Variants in GTF2H5 observed in about 807,000 individuals in gnomAD.
The protein encoded by GTF2H5 is TFB5 ortholog.
A neutral mutation model predicts 7.1 loss-of-function variants in GTF2H5; 5 were observed. The ratio of observed to expected loss-of-function variants is 0.71; its 90% CI spans 0.37 to 1.49. The LOEUF is 1.49. GTF2H5 is among the 40% of genes most tolerant of loss of function. GTF2H5 has a pLI of 0.03. For synonymous variants in GTF2H5, 30 were observed against 31.7 expected, an observed-to-expected ratio of 0.95 and a Z score of 0.18; for missense variants, 80 against 83.0, an observed-to-expected ratio of 0.96 and a Z score of 0.14.
chr6:158,187,416 G>A (rs982070018), intron 2 of GTF2H5, among the ~76,000 whole-genome samples: 4 of 152,060 alleles, frequency 2.6e-5, no homozygotes, highest in Admixed American at 6.5e-5. Flanking sequence ...TTGCAGGGCC[G>A]TCTCAAAATA....
rs1278029906 is a variant in GTF2H5 at position 158,169,397 on chromosome 6, TTATATTGTATATTATATATTATATATAA to T, written c.-35+1022_-34-1026del. Among the ~76,000 whole-genome samples, 37 of 77,640 alleles carry T rather than the reference TTATATTGTATATTATATATTATATATAA, an allele frequency of 4.8e-4. 1 individual carries two copies. Among genetic ancestry groups the T allele is most frequent in the Middle Eastern group, 5.3e-3 (1 of 188 alleles). 50.9% of individuals were successfully genotyped at this position (77,640 alleles called of 152,430 possible). On this transcript the variant is annotated intron_variant, in intron 1 of 2. Coordinates refer to ENST00000607778, the MANE Select transcript of GTF2H5 (RefSeq NM_207118.3). The stretch of plus-strand genomic sequence containing the variant: ...TGTATATTATATATTATATATAATA[TTATATTGTATATTATATATTATATATAA>T]TATATTGTATATTATATATATTATA...
rs1483686884 is a variant in GTF2H5, at chr6:158,169,693, T to TATTATATATAATATATTGTATATTA, written c.-34-777_-34-776insATTATATATAATATATTGTATATTA. Among the ~76,000 whole-genome samples the TATTATATATAATATATTGTATATTA allele has an allele frequency of 2.7e-4, 18 of 66,146 alleles. 2 individuals carry two copies. The highest frequency in any genetic ancestry group is 1.2e-3 in the Admixed American group (4 of 3,208). 43.4% of individuals were successfully genotyped at this position (66,146 alleles called of 152,430 possible). ...TATATTATATAATATATAATATATA[T>TATTATATATAATATATTGTATATTA]TATATAATATATTGTATATTATATA... On this transcript the variant is annotated intron_variant, in intron 1 of 2. Coordinates refer to ENST00000607778, the MANE Select transcript of GTF2H5 (RefSeq NM_207118.3).
chr6:158,192,445 G>T lies in GTF2H5; in HGVS notation c.*288G>T. On this transcript the variant is annotated 3_prime_UTR_variant, in exon 3 of 3. Coordinates refer to ENST00000607778, the MANE Select transcript of GTF2H5 (RefSeq NM_207118.3). Reference sequence around the variant, plus strand: ...TTCCTGCCTTTTTAATACCATGTCAGTGTAACATAGGTATTTATTTTGCTC... The same window carrying T: ...TTCCTGCCTTTTTAATACCATGTCATTGTAACATAGGTATTTATTTTGCTC... The T allele has an allele frequency of 2.7e-6, 1 of 375,424 alleles. No homozygotes were observed. Among genetic ancestry groups the T allele is most frequent in the Non-Finnish European group, 5.0e-6 (1 of 199,598 alleles). 23.3% of individuals were successfully genotyped at this position (375,424 alleles called of 1,614,324 possible).
intron 2 of GTF2H5, among the ~76,000 whole-genome samples, chr6:158,171,161 G>C (rs559003340): frequency 6.6e-6 from 1 of 152,296 alleles, no homozygotes; most frequent in African/African-American, 2.4e-5. Flanking sequence ...CCAACATTTA[G>C]AACAGCACTA....
intron 2 of GTF2H5, among the ~76,000 whole-genome samples, chr6:158,177,125 G>A (rs1785944597): frequency 6.6e-6 from 1 of 152,184 alleles, no homozygotes; most frequent in Admixed American, 6.5e-5. Flanking sequence ...TGGGGTGCCT[G>A]TTCCCAACAG....
At chr6:158,171,347 G>A (rs1446297437) in intron 2 of GTF2H5, among the ~76,000 whole-genome samples, 2 of 152,168 alleles carry the variant, frequency 1.3e-5, no homozygotes, top group South Asian at 4.1e-4. Flanking sequence ...CTTCAAAGTC[G>A]AATGGATATT....
rs938412615 is a variant in GTF2H5, at chr6:158,196,208, G to A, written c.*4051G>A. 3 of 152,220 alleles carry A rather than the reference G, an allele frequency of 2.0e-5. No homozygotes were observed. Among genetic ancestry groups the A allele is most frequent in the Non-Finnish European group, 2.9e-5 (2 of 68,088 alleles). The allele number at this position is 152,220 out of a possible 1,614,324, so 9.4% of individuals were successfully genotyped here. A position where few individuals can be genotyped will look rare whatever the true frequency, so the allele number is the denominator to read the frequency against. ...GAGGCAGGAGAATGGTGTAATCCCG[G>A]GAGGTGGAGGTTGCAGTGAGCCGAG... On this transcript the variant is annotated 3_prime_UTR_variant, in exon 3 of 3. Transcript: ENST00000607778.
intron 2 of GTF2H5, among the ~76,000 whole-genome samples, chr6:158,175,526 G>A (rs2128429552): frequency 6.6e-6 from 1 of 152,358 alleles, no homozygotes; most frequent in East Asian, 1.9e-4. Context: ...CACTTCAGGA[G>A]GCTGAGGCGG....
chr6:158,173,529 A>G (rs984587820), intron 2 of GTF2H5, among the ~76,000 whole-genome samples: 1 of 152,178 alleles, frequency 6.6e-6, no homozygotes, highest in African/African-American at 2.4e-5. Context: ...AAGTCTGTTT[A>G]TTACTTCATA....
At chr6:158,168,979 G>C (rs1785691950) in intron 1 of GTF2H5, among the ~76,000 whole-genome samples, 1 of 151,500 alleles carries the variant, frequency 6.6e-6, no homozygotes, top group Non-Finnish European at 1.5e-5. Context: ...CACACCTGTT[G>C]TCCCAGCACT....
At chr6:158,182,900 A>C (rs575686182) in intron 2 of GTF2H5, among the ~76,000 whole-genome samples, 4 of 152,046 alleles carry the variant, frequency 2.6e-5, no homozygotes, top group Non-Finnish European at 4.4e-5. Flanking sequence ...CTCATTCTCC[A>C]TCCAGTTTTC....
chr6:158,190,936 C>T (rs755071598), intron 2 of GTF2H5: 3 of 516,500 alleles, frequency 5.8e-6, no homozygotes, highest in Admixed American at 2.0e-5. Flanking sequence ...CTGTACTGCC[C>T]GAGAAGAAAT....
At chr6:158,185,546 A>T (rs1355602737) in intron 2 of GTF2H5, among the ~76,000 whole-genome samples, 1 of 151,826 alleles carries the variant, frequency 6.6e-6, no homozygotes, top group Non-Finnish European at 1.5e-5. Flanking sequence ...GTCTCAAAAA[A>T]AAAAAAAAAA....
Position 158,194,008 on chromosome 6 carries a change from A to C in GTF2H5, c.*1851A>C, listed in dbSNP as rs1777069164. On this transcript the variant is annotated 3_prime_UTR_variant, in exon 3 of 3. Coordinates refer to ENST00000607778, the MANE Select transcript of GTF2H5 (RefSeq NM_207118.3). Reference sequence around the variant, plus strand: ...CATCTCAAAAAAAAAAAAAAAAAAAAATGAATTTCCAGCTATACCAAAATG... The same window carrying C: ...CATCTCAAAAAAAAAAAAAAAAAAACATGAATTTCCAGCTATACCAAAATG... The C allele has an allele frequency of 6.6e-6, 1 of 151,726 alleles. No homozygotes were observed. The highest frequency in any genetic ancestry group is 2.1e-4 in the South Asian group (1 of 4,810). The allele number at this position is 151,726 out of a possible 1,614,324, so 9.4% of individuals were successfully genotyped here.
At chr6:158,173,611 A>G (rs1785887724) in intron 2 of GTF2H5, among the ~76,000 whole-genome samples, 1 of 152,242 alleles carries the variant, frequency 6.6e-6, no homozygotes, top group South Asian at 2.1e-4. Flanking sequence ...GTTTACAGGC[A>G]GACCACTCAA....
At chr6:158,184,020 A>G (rs1354336434) in intron 2 of GTF2H5, among the ~76,000 whole-genome samples, 1 of 152,062 alleles carries the variant, frequency 6.6e-6, no homozygotes, top group African/African-American at 2.4e-5. Flanking sequence ...AGCTGTTCCT[A>G]TTTGGCCATC....
intron 2 of GTF2H5, among the ~76,000 whole-genome samples, chr6:158,172,742 C>T (rs1453090392): frequency 6.6e-6 from 1 of 152,172 alleles, no homozygotes; most frequent in Non-Finnish European, 1.5e-5. Flanking sequence ...CATCCCTTCC[C>T]ACATTCATCT....
chr6:158,188,052 C>G (rs1776959707), intron 2 of GTF2H5, among the ~76,000 whole-genome samples: 1 of 152,108 alleles, frequency 6.6e-6, no homozygotes, highest in South Asian at 2.1e-4. Context: ...GTGCTTAGAA[C>G]TTTATTTTTG....
Position 158,195,790 on chromosome 6 carries a change from TAAC to T in GTF2H5, c.*3636_*3638del, listed in dbSNP as rs747156497. On this transcript the variant is annotated 3_prime_UTR_variant, in exon 3 of 3. Coordinates refer to ENST00000607778, the MANE Select transcript of GTF2H5 (RefSeq NM_207118.3). ...CTAAAATACTGAGATCATTCTATCT[TAAC>T]AAACTTAACAGATGGGGAAGGGGTA... 3 of 152,204 alleles carry T rather than the reference TAAC, an allele frequency of 2.0e-5. No individual in the cohort carries two copies. The highest frequency in any genetic ancestry group is 7.2e-5 in the African/African-American group (3 of 41,450). The allele number at this position is 152,204 out of a possible 1,614,324, so 9.4% of individuals were successfully genotyped here. A position where few individuals can be genotyped will look rare whatever the true frequency, so the allele number is the denominator to read the frequency against.
Sources: allele counts gnomAD v4.1 joint callset (sites outside exome capture counted in the v4.1 genomes callset), GRCh38; gene constraint gnomAD v4.1.1; transcripts MANE v1.5; gene names NCBI Gene and HGNC (gene_info 2026-07-23, HGNC 2026-07-21).